The following RGPD2 variants were observed in gnomAD, a reference collection of about 807,000 sequenced individuals.
The protein encoded by RGPD2 is RANBP2 like and GRIP domain containing 2.
In RGPD2, 2 loss-of-function variants were observed where a neutral mutation model predicts 36.0. That is an observed-to-expected ratio of 0.06 (90% CI 0.02 to 0.17). The LOEUF (loss-of-function observed/expected upper bound fraction) is 0.17, where lower values mean the gene tolerates loss of function less well. Ranked by LOEUF, RGPD2 falls within the 10% of genes least tolerant of loss-of-function variation. RGPD2 has a pLI of 1.00. For synonymous variants in RGPD2, 19 were observed against 163.8 expected (o/e 0.12, Z 6.75); for missense variants, 40 against 464.3 (o/e 0.09, Z 8.40).
At chr2:87,961,411 G>A in the RGPD2 span, among the ~76,000 whole-genome samples, 2 of 151,786 alleles carry the variant, frequency 1.3e-5, no homozygotes, top group African/African-American at 2.4e-5. Flanking sequence ...CTCTGAGGGT[G>A]TCTTGCCCGC....
At chr2:87,921,649 T>G in the RGPD2 span, among the ~76,000 whole-genome samples, 1 of 152,260 alleles carries the variant, frequency 6.6e-6, no homozygotes, top group South Asian at 2.1e-4. Flanking sequence ...TGAAGTCAGG[T>G]TTATGTTCTC....
intron 1 of RGPD2, among the ~76,000 whole-genome samples, chr2:87,824,707 A>C (rs1297486079): frequency 8.8e-5 from 8 of 90,874 alleles, no homozygotes; most frequent in South Asian, 8.9e-4. Context: ...GGTGAGGCCG[A>C]GGCCGAGGCC....
At chr2:87,837,387 AAT>A in the RGPD2 span, among the ~76,000 whole-genome samples, 5 of 149,388 alleles carry the variant, frequency 3.3e-5, no homozygotes, top group African/African-American at 1.2e-4. Flanking sequence ...ACCACAGTGC[AAT>A]ATAAATAGAA....
the RGPD2 span, among the ~76,000 whole-genome samples, chr2:87,883,792 A>G: frequency 6.6e-6 from 1 of 152,132 alleles, no homozygotes; most frequent in Non-Finnish European, 1.5e-5. Flanking sequence ...GAGTACTTAA[A>G]TACAAAACAA....
the RGPD2 span, among the ~76,000 whole-genome samples, chr2:87,876,191 T>C: frequency 6.6e-6 from 1 of 150,978 alleles, no homozygotes. Context: ...TTTTTTTTTT[T>C]TTGAAGAATT....
the RGPD2 span, among the ~76,000 whole-genome samples, chr2:87,844,305 G>A: frequency 6.9e-6 from 1 of 145,834 alleles, no homozygotes; most frequent in Non-Finnish European, 1.5e-5. Flanking sequence ...TCTGATACAC[G>A]GTTTCAGAAT....
At chr2:87,886,267 C>T in the RGPD2 span, among the ~76,000 whole-genome samples, 202 of 151,866 alleles carry the variant, frequency 1.3e-3, 4 homozygotes, top group East Asian at 0.026. Flanking sequence ...ACCAGATTCT[C>T]GTCTTTACTT....
At chr2:87,965,523 AG>A in the RGPD2 span, among the ~76,000 whole-genome samples, 3 of 152,198 alleles carry the variant, frequency 2.0e-5, no homozygotes, top group Non-Finnish European at 2.9e-5. Context: ...TCTCTACCCA[AG>A]AGATAACTGA....
the RGPD2 span, among the ~76,000 whole-genome samples, chr2:87,905,754 A>G: frequency 1.6e-5 from 2 of 125,942 alleles, no homozygotes; most frequent in Non-Finnish European, 3.4e-5. Context: ...ATATATAAAC[A>G]TAATGAACCT....
chr2:87,960,061 G>A, the RGPD2 span, among the ~76,000 whole-genome samples: 4 of 44,334 alleles, frequency 9.0e-5, no homozygotes, highest in Non-Finnish European at 2.1e-4. Flanking sequence ...TTTTGGGGGG[G>A]CTGGGGGGCA....
At chr2:87,957,715 G>A in the RGPD2 span, among the ~76,000 whole-genome samples, 1 of 152,248 alleles carries the variant, frequency 6.6e-6, no homozygotes, top group Admixed American at 6.5e-5. Flanking sequence ...ATTGTCTATA[G>A]CACCAACTTC....
chr2:87,870,203 T>C, the RGPD2 span, among the ~76,000 whole-genome samples: 1 of 152,292 alleles, frequency 6.6e-6, no homozygotes, highest in African/African-American at 2.4e-5. Context: ...CTACTAGCCA[T>C]GTAAAGACTG....
In RGPD2 at chr2:87,825,438, G is replaced by A. The variant is rs866468258; in HGVS notation, c.72+220C>T. 5.5e-3 allele frequency among the ~76,000 whole-genome samples: 559 copies of A among 101,288 alleles called. 10 individuals are homozygous for A. The highest frequency in any genetic ancestry group is 0.018 in the African/African-American group (541 of 30,234). 66.4% of individuals were successfully genotyped at this position (101,288 alleles called of 152,430 possible). On this transcript the variant is annotated intron_variant, in intron 1 of 22. Transcript: ENST00000398146. ...CGAGGCCGCCGCCGCCGCCGCCGCC[G>A]CCGCCCGGCCAGGCCGAGGCCGAGG...
the RGPD2 span, among the ~76,000 whole-genome samples, chr2:87,964,587 A>T: frequency 1.3e-5 from 2 of 152,062 alleles, no homozygotes; most frequent in Non-Finnish European, 2.9e-5. Context: ...AGGCTGGAGT[A>T]CAGTGGCACG....
the RGPD2 span, among the ~76,000 whole-genome samples, chr2:87,877,458 T>C: frequency 1.3e-5 from 2 of 152,232 alleles, no homozygotes; most frequent in East Asian, 1.9e-4. Flanking sequence ...CCTTCACTTA[T>C]GGAGCTTAGT....
chr2:87,832,286 AACCT>A, the RGPD2 span, among the ~76,000 whole-genome samples: 8 of 149,630 alleles, frequency 5.3e-5, no homozygotes, highest in Non-Finnish European at 8.9e-5. Flanking sequence ...GGTTGACTTG[AACCT>A]ACCTATGTTA....
At chr2:87,911,387 C>T in the RGPD2 span, among the ~76,000 whole-genome samples, 5 of 147,838 alleles carry the variant, frequency 3.4e-5, no homozygotes, top group East Asian at 2.0e-4. Context: ...ACTTAAACTG[C>T]GGTGAATGTT....
intron 1 of RGPD2, chr2:87,825,034 A>C (rs1686641869): frequency 2.5e-6 from 1 of 392,380 alleles, no homozygotes; most frequent in Admixed American, 4.4e-5. Flanking sequence ...TATTAAATAC[A>C]AATTACCATC....
chr2:87,824,774 C>CAGGCCG (rs1415835872), intron 1 of RGPD2, among the ~76,000 whole-genome samples: 9 of 57,150 alleles, frequency 1.6e-4, no homozygotes, highest in Non-Finnish European at 2.2e-4. Context: ...GCCGCCCGGC[C>CAGGCCG]AGGCCGAGGC....
Sources: gnomAD v4.1 joint callset for allele counts (sites outside exome capture counted in the v4.1 genomes callset) on GRCh38, gnomAD v4.1.1 for gene constraint, MANE v1.5 for transcripts, NCBI Gene and HGNC (gene_info 2026-07-23, HGNC 2026-07-21) for gene names.